The following TRERF1 variants were observed in gnomAD, a reference collection of about 807,000 sequenced individuals.
TRERF1 encodes the protein transcriptional-regulating factor 1.
In TRERF1, 27 loss-of-function variants were observed where a neutral mutation model predicts 122.9. The observed-to-expected ratio is 0.22, with a 90% confidence interval of 0.16 to 0.30. The LOEUF (loss-of-function observed/expected upper bound fraction) is 0.30, where lower values mean the gene tolerates loss of function less well. Ranked by LOEUF, TRERF1 falls within the 10% of genes least tolerant of loss-of-function variation. The pLI, the probability that TRERF1 is intolerant of heterozygous loss-of-function variation, is 1.00. For missense variants in TRERF1, 1,248 were observed against 1,560.3 expected (o/e 0.80, Z 3.37); for synonymous variants, 636 against 641.7 (o/e 0.99, Z 0.13).
At chr6:42,227,621 T>C (rs891100851) in exon 18 of TRERF1, 2 of 152,234 alleles carry the variant, frequency 1.3e-5, no homozygotes, top group African/African-American at 4.8e-5. Context: ...CCAGGGAACA[T>C]GGAAGAGGAC....
chr6:42,448,637 G>A (rs930610966), intron 2 of TRERF1, among the ~76,000 whole-genome samples: 9 of 152,152 alleles, frequency 5.9e-5, no homozygotes, highest in African/African-American at 1.9e-4. Flanking sequence ...TTTCAGAGCC[G>A]GAAGGGAACT....
In TRERF1 at chr6:42,232,557, A is replaced by G; in HGVS notation, c.3278+124T>C. 1 of 1,267,420 alleles carries G rather than the reference A, an allele frequency of 7.9e-7. No homozygotes were observed. The highest frequency in any genetic ancestry group is 1.5e-5 in the African/African-American group (1 of 66,444). The allele number at this position is 1,267,420 out of a possible 1,614,324, so 78.5% of individuals were successfully genotyped here. A position where few individuals can be genotyped will look rare whatever the true frequency, so the allele number is the denominator to read the frequency against. ...CATACCCATCCCAAAGATGACACGA[A>G]GAAGAGTTTTGAGGTCTAAGTTCTT... On this transcript the variant is annotated intron_variant, in intron 17 of 17. Transcript: ENST00000372922. This position sits in a 1 kb window ranked among gnomAD's most constrained non-coding sequence, Gnocchi z 4.5.
At chr6:42,430,148 T>C (rs1362323625) in intron 2 of TRERF1, among the ~76,000 whole-genome samples, 1 of 151,816 alleles carries the variant, frequency 6.6e-6, no homozygotes, top group African/African-American at 2.4e-5. Flanking sequence ...GACTCTGGCT[T>C]GTACTGCTTG....
rs944770307 is a variant in TRERF1, at chr6:42,269,974, T to C, written c.-258-126A>G. ...CCCAGCTACCTGGGAGGCTGAGACA[T>C]GAAGTTCATTTGAGACCAGCCTGGG... On this transcript the variant is annotated intron_variant, in intron 4 of 17. Coordinates refer to ENST00000372922, the Ensembl canonical transcript of TRERF1. The surrounding 1 kb of genome is among the most constrained non-coding windows in gnomAD (Gnocchi z 4.9). 1.6e-4 allele frequency: 30 copies of C among 184,530 alleles called. No homozygotes were observed. Among genetic ancestry groups the C allele is most frequent in the Non-Finnish European group, 1.9e-4 (17 of 88,952 alleles). The allele number at this position is 184,530 out of a possible 1,614,324, so 11.4% of individuals were successfully genotyped here.
At chr6:42,379,592 G>A (rs551578629) in intron 2 of TRERF1, among the ~76,000 whole-genome samples, 11 of 152,174 alleles carry the variant, frequency 7.2e-5, no homozygotes, top group South Asian at 2.1e-4. Context: ...GTGCAGTGGC[G>A]CAATCACAGC....
intron 3 of TRERF1, among the ~76,000 whole-genome samples, chr6:42,357,613 G>A (rs1029407438): frequency 2.0e-5 from 3 of 152,188 alleles, no homozygotes; most frequent in African/African-American, 7.2e-5. Context: ...CATTAGGATA[G>A]TCCTGCAGGA....
At chr6:42,248,669 C>A (rs1775219181) in intron 13 of TRERF1, among the ~76,000 whole-genome samples, 1 of 152,146 alleles carries the variant, frequency 6.6e-6, no homozygotes, top group Admixed American at 6.6e-5. Flanking sequence ...TATCTCTTTA[C>A]TTCTAGAAGG....
chr6:42,388,558 C>T (rs894519567), intron 2 of TRERF1, among the ~76,000 whole-genome samples: 1 of 152,052 alleles, frequency 6.6e-6, no homozygotes, highest in Non-Finnish European at 1.5e-5. Context: ...TTTCATCCAC[C>T]TGAAAAATGC....
At chr6:42,238,511 C>T (rs987578344) in intron 15 of TRERF1, among the ~76,000 whole-genome samples, 5 of 152,066 alleles carry the variant, frequency 3.3e-5, no homozygotes, top group African/African-American at 1.2e-4. Flanking sequence ...AACTTCGTAA[C>T]AACAAGTTGG....
At chr6:42,297,497 T>C (rs1785312385) in intron 4 of TRERF1, among the ~76,000 whole-genome samples, 1 of 152,156 alleles carries the variant, frequency 6.6e-6, no homozygotes, top group Admixed American at 6.5e-5. Flanking sequence ...TTCAAATGGC[T>C]CCACTCCACA....
intron 4 of TRERF1, among the ~76,000 whole-genome samples, chr6:42,292,304 A>G (rs1784436067): frequency 6.6e-6 from 1 of 152,198 alleles, no homozygotes; most frequent in Admixed American, 6.5e-5. Context: ...AATGTTGCTC[A>G]GGGGCAGAAA....
chr6:42,444,545 T>TGCCTGCCCACTCCTTAGC (rs1379920417), intron 2 of TRERF1, among the ~76,000 whole-genome samples: 13 of 152,096 alleles, frequency 8.5e-5, no homozygotes, highest in Admixed American at 3.3e-4. Context: ...CAGAGTCCCC[T>TGCCTGCCCACTCCTTAGC]GCCTGCCCAC....
At chr6:42,452,137 CTTTT>C, upstream of TRERF1, 1 of 138,368 alleles carries the variant, frequency 7.2e-6, no homozygotes, top group African/African-American at 2.6e-5. Flanking sequence ...TCCTCTCGGC[CTTTT>C]TTTTTTTTTT....
At chr6:42,441,302 C>T (rs868039995) in intron 2 of TRERF1, among the ~76,000 whole-genome samples, 3 of 152,148 alleles carry the variant, frequency 2.0e-5, no homozygotes, top group Admixed American at 6.5e-5. Context: ...CCGCCTCTAT[C>T]AGAAATCTTA....
At chr6:42,346,624 G>A (rs1010361495) in intron 3 of TRERF1, among the ~76,000 whole-genome samples, 12 of 152,098 alleles carry the variant, frequency 7.9e-5, no homozygotes, top group East Asian at 1.9e-4. Flanking sequence ...CATTGCAAAG[G>A]GAAAAGGAAT....
intron 2 of TRERF1, among the ~76,000 whole-genome samples, chr6:42,414,287 T>C (rs1321833948): frequency 1.3e-5 from 2 of 152,206 alleles, no homozygotes; most frequent in African/African-American, 4.8e-5. Context: ...TTCACACTTT[T>C]TTTTAATGCG....
At chr6:42,378,766 C>T (rs1251199249) in intron 2 of TRERF1, among the ~76,000 whole-genome samples, 1 of 152,200 alleles carries the variant, frequency 6.6e-6, no homozygotes, top group Non-Finnish European at 1.5e-5. Context: ...AGGACCTAAA[C>T]CTGGGAGCTT....
At chr6:42,370,268 A>T (rs1372316336) in intron 2 of TRERF1, among the ~76,000 whole-genome samples, 1 of 152,218 alleles carries the variant, frequency 6.6e-6, no homozygotes, top group African/African-American at 2.4e-5. Context: ...TATTTATAAA[A>T]ACACAAAAAA....
chr6:42,289,070 T>C (rs1783819783), intron 4 of TRERF1, among the ~76,000 whole-genome samples: 1 of 151,884 alleles, frequency 6.6e-6, no homozygotes, highest in Non-Finnish European at 1.5e-5. Context: ...ATGCCTGTAA[T>C]CCCAGCACTT....
Sources: allele counts gnomAD v4.1 joint callset (sites outside exome capture counted in the v4.1 genomes callset), GRCh38; gene constraint gnomAD v4.1.1; non-coding constraint Gnocchi (gnomAD v3.1); transcripts MANE v1.5; gene names NCBI Gene and HGNC (gene_info 2026-07-23, HGNC 2026-07-21).